The following RTN1 variants were observed in gnomAD, a reference collection of about 807,000 sequenced individuals.
The protein encoded by RTN1 is reticulon 1.
In RTN1, 25 loss-of-function variants were observed where a neutral mutation model predicts 65.5. The observed-to-expected ratio is 0.38, with a 90% confidence interval of 0.28 to 0.53. RTN1 has a LOEUF of 0.53. RTN1 is among the 20% of genes least tolerant of loss of function. RTN1 has a pLI of 0.79. For missense variants in RTN1, 983 were observed against 1,025.4 expected (o/e 0.96, Z 0.57); for synonymous variants, 471 against 447.6 (o/e 1.05, Z -0.66).
intron 1 of RTN1, among the ~76,000 whole-genome samples, chr14:59,799,490 G>A (rs995265527): frequency 6.6e-6 from 1 of 152,180 alleles, no homozygotes; most frequent in Non-Finnish European, 1.5e-5. Context: ...AGAGAGATGG[G>A]ACACATGAAT....
intron 3 of RTN1, among the ~76,000 whole-genome samples, chr14:59,618,836 C>T (rs1463907861): frequency 6.6e-6 from 1 of 152,148 alleles, no homozygotes; most frequent in Non-Finnish European, 1.5e-5. Context: ...AGTGAAAAGT[C>T]ATTTCAATAG....
intron 1 of RTN1, among the ~76,000 whole-genome samples, chr14:59,773,513 T>C (rs553860794): frequency 8.3e-4 from 126 of 152,296 alleles, no homozygotes; most frequent in Middle Eastern, 3.4e-3. Context: ...GCAATATTTA[T>C]TTACAGATGA....
chr14:59,805,148 C>G (rs1056755857), intron 1 of RTN1, among the ~76,000 whole-genome samples: 2 of 152,192 alleles, frequency 1.3e-5, no homozygotes, highest in Non-Finnish European at 2.9e-5. Context: ...GGTCTCTCTT[C>G]AAAAGCTCCT....
At chr14:59,869,523 A>T (rs1412091272) in intron 1 of RTN1, among the ~76,000 whole-genome samples, 1 of 141,610 alleles carries the variant, frequency 7.1e-6, no homozygotes. Context: ...TGGCGCGCTC[A>T]GACTTTGAAT....
Position 59,861,195 on chromosome 14 carries a change from G to A in RTN1, c.241+9195C>T, listed in dbSNP as rs944688675. On this transcript the variant is annotated intron_variant, in intron 1 of 8. Transcript: ENST00000267484. ...CACGTGTTATGTGAGGAACCCAGCG[G>A]GAGGTAATTGAATCATGGGGCAGGT... 2.6e-5 allele frequency among the ~76,000 whole-genome samples: 4 copies of A among 152,248 alleles called. No individual in the cohort carries two copies. In the East Asian group the frequency reaches 5.8e-4, roughly 22 times the overall value.
intron 1 of RTN1, among the ~76,000 whole-genome samples, chr14:59,819,406 C>CA (rs1366420559): frequency 1.1e-4 from 2 of 17,614 alleles, no homozygotes; most frequent in South Asian, 2.6e-3. Flanking sequence ...TGCATCCACA[C>CA]CACCACCACC....
chr14:59,830,744 G>A (rs1219937299), intron 1 of RTN1, among the ~76,000 whole-genome samples: 2 of 152,148 alleles, frequency 1.3e-5, no homozygotes, highest in Non-Finnish European at 2.9e-5. Context: ...TTTCTGATCT[G>A]CAAAATGAGG....
chr14:59,649,071 C>T (rs938834550), intron 3 of RTN1, among the ~76,000 whole-genome samples: 9 of 152,104 alleles, frequency 5.9e-5, no homozygotes, highest in African/African-American at 1.2e-4. Context: ...TATAGACCAA[C>T]GAAACAGAAC....
rs553369663 is a variant in RTN1 at position 59,828,403 on chromosome 14, G to C, written c.241+41987C>G. On this transcript the variant is annotated intron_variant, in intron 1 of 8. Coordinates refer to ENST00000267484, the MANE Select transcript of RTN1 (RefSeq NM_021136.3). ...CAATGTTCAGTCCCTAGAGTGCTGTGCTCATTTCTGGGCTGGACAAAGCCC... is the reference window on the plus strand; with the variant it reads ...CAATGTTCAGTCCCTAGAGTGCTGTCCTCATTTCTGGGCTGGACAAAGCCC... Among the ~76,000 whole-genome samples, 187 of 152,296 alleles carry C rather than the reference G, an allele frequency of 1.2e-3. 2 individuals carry two copies. The highest frequency in any genetic ancestry group is 4.4e-3 in the African/African-American group (183 of 41,562).
intron 1 of RTN1, among the ~76,000 whole-genome samples, chr14:59,848,784 A>C (rs1228667820): frequency 6.6e-6 from 1 of 152,234 alleles, no homozygotes; most frequent in African/African-American, 2.4e-5. Flanking sequence ...AAGGAATTAT[A>C]GAGACTATTG....
intron 3 of RTN1, among the ~76,000 whole-genome samples, chr14:59,710,652 G>A (rs1027124183): frequency 4.6e-5 from 7 of 152,178 alleles, no homozygotes; most frequent in African/African-American, 1.2e-4. Context: ...CTGAGCTCAG[G>A]GGCAAAGCAG....
intron 3 of RTN1, among the ~76,000 whole-genome samples, chr14:59,622,819 T>C (rs1238417732): frequency 6.6e-6 from 1 of 152,186 alleles, no homozygotes. Flanking sequence ...CTAGGAGCCC[T>C]GAGCCCAGAG....
chr14:59,677,065 A>G (rs1489532443), intron 3 of RTN1, among the ~76,000 whole-genome samples: 1 of 152,098 alleles, frequency 6.6e-6, no homozygotes, highest in Non-Finnish European at 1.5e-5. Context: ...ACCAGCCCAC[A>G]CTTTCTGAGT....
intron 3 of RTN1, among the ~76,000 whole-genome samples, chr14:59,648,056 GA>G (rs1882938758): frequency 6.6e-6 from 1 of 152,202 alleles, no homozygotes; most frequent in Admixed American, 6.5e-5. Context: ...TAATAAAGAA[GA>G]AAAGACAGAT....
intron 1 of RTN1, among the ~76,000 whole-genome samples, chr14:59,830,347 C>T (rs1887103814): frequency 6.6e-6 from 1 of 152,182 alleles, no homozygotes; most frequent in Admixed American, 6.5e-5. Context: ...ACAGTTAAAC[C>T]AGTGCTCTCA....
intron 1 of RTN1, among the ~76,000 whole-genome samples, chr14:59,821,622 C>T (rs1439519803): frequency 6.6e-6 from 1 of 152,076 alleles, no homozygotes; most frequent in African/African-American, 2.4e-5. Flanking sequence ...CCAGCTTTTG[C>T]CTGTTCAGTA....
At chr14:59,749,220 C>T (rs868598056) in intron 1 of RTN1, among the ~76,000 whole-genome samples, 1 of 55,902 alleles carries the variant, frequency 1.8e-5, no homozygotes, top group African/African-American at 1.5e-4. Context: ...CTATATATAT[C>T]TATATATCTA....
intron 3 of RTN1, among the ~76,000 whole-genome samples, chr14:59,644,644 G>A (rs753478059): frequency 2.6e-5 from 4 of 152,212 alleles, no homozygotes; most frequent in Non-Finnish European, 5.9e-5. Context: ...TGCAGACCCT[G>A]TTTCCATGGT....
intron 1 of RTN1, among the ~76,000 whole-genome samples, chr14:59,819,912 C>G (rs1213757350): frequency 1.3e-5 from 2 of 152,164 alleles, no homozygotes; most frequent in Non-Finnish European, 2.9e-5. Flanking sequence ...CCCTGGTTCC[C>G]GCCTGCGCCT....
Sources: gnomAD v4.1 joint callset for allele counts (sites outside exome capture counted in the v4.1 genomes callset) on GRCh38, gnomAD v4.1.1 for gene constraint, MANE v1.5 for transcripts, NCBI Gene and HGNC (gene_info 2026-07-23, HGNC 2026-07-21) for gene names.